The following MAF variants were observed in gnomAD, a reference collection of about 807,000 sequenced individuals.
MAF encodes the protein MAF bZIP transcription factor, also known as transcription factor Maf.
Under a neutral mutation model 22.0 loss-of-function variants are expected in MAF, and 10 were observed. The ratio of observed to expected loss-of-function variants is 0.45; its 90% confidence interval spans 0.28 to 0.77. MAF has a LOEUF of 0.77. Ranked by LOEUF, MAF falls within the 30% of genes least tolerant of loss-of-function variation. The pLI is 0.12. For missense variants in MAF, 544 were observed against 548.4 expected, an observed-to-expected ratio of 0.99 and a Z score of 0.08; for synonymous variants, 337 against 255.8, an observed-to-expected ratio of 1.32 and a Z score of -3.03.
the MAF span, among the ~76,000 whole-genome samples, chr16:79,466,811 T>C: frequency 6.6e-6 from 1 of 152,204 alleles, no homozygotes; most frequent in South Asian, 2.1e-4. Context: ...TTAAGATCCA[T>C]TATTACTCAT....
the MAF span, among the ~76,000 whole-genome samples, chr16:79,440,834 C>T: frequency 6.6e-6 from 1 of 152,206 alleles, no homozygotes; most frequent in Admixed American, 6.5e-5. Flanking sequence ...CATATTTACT[C>T]ACTTGGCTCT....
the MAF span, among the ~76,000 whole-genome samples, chr16:79,235,562 A>G: frequency 6.6e-6 from 1 of 151,928 alleles, no homozygotes; most frequent in African/African-American, 2.4e-5. Flanking sequence ...AATTTTAAAA[A>G]TATGATTGAA....
At chr16:79,396,059 G>C in the MAF span, among the ~76,000 whole-genome samples, 1 of 152,128 alleles carries the variant, frequency 6.6e-6, no homozygotes, top group Non-Finnish European at 1.5e-5. Flanking sequence ...TTCCTACTTA[G>C]GTATAAGAGA....
chr16:79,432,865 C>G, the MAF span, among the ~76,000 whole-genome samples: 3 of 152,188 alleles, frequency 2.0e-5, no homozygotes, highest in Admixed American at 6.5e-5. Context: ...CTGGAACAGA[C>G]TCTCCTTCAT....
In MAF at chr16:79,594,431, T is replaced by G; in HGVS notation, c.*29A>C. On this transcript the variant is annotated 3_prime_UTR_variant, in exon 2 of 2. Transcript: ENST00000326043. The stretch of plus-strand genomic sequence containing the variant: ...GCAAATAATAATAATAATGATGATT[T>G]TTTTTAATGTACAGCTCTCACACAA... 1 of 1,542,038 alleles carries G rather than the reference T, an allele frequency of 6.5e-7. No individual in the cohort carries two copies. Among genetic ancestry groups the G allele is most frequent in the Non-Finnish European group, 8.8e-7 (1 of 1,138,116 alleles).
the MAF span, among the ~76,000 whole-genome samples, chr16:79,436,454 T>A: frequency 3.3e-5 from 5 of 152,256 alleles, no homozygotes; most frequent in East Asian, 9.6e-4. Context: ...ATCAGACATG[T>A]GCGTTAACGC....
chr16:79,210,686 C>G, the MAF span, among the ~76,000 whole-genome samples: 3 of 152,110 alleles, frequency 2.0e-5, no homozygotes, highest in African/African-American at 7.2e-5. Flanking sequence ...GACCATGTCT[C>G]CCTCTGAACA....
At chr16:79,206,392 A>G in the MAF span, 1 of 152,220 alleles carries the variant, frequency 6.6e-6, no homozygotes, top group Admixed American at 6.5e-5. Flanking sequence ...CACTCTACGT[A>G]ATTATCTGTA....
the MAF span, among the ~76,000 whole-genome samples, chr16:79,429,539 G>T: frequency 6.6e-6 from 1 of 152,182 alleles, no homozygotes; most frequent in Non-Finnish European, 1.5e-5. Flanking sequence ...AGCAGAGAGA[G>T]GGAGGCAGGC....
intron 1 of MAF, chr16:79,596,452 CTG>C (rs754717835): frequency 8.5e-6 from 9 of 1,053,974 alleles, no homozygotes; most frequent in Non-Finnish European, 1.0e-5. Flanking sequence ...CCCAGTTAAA[CTG>C]TACACTAAGA....
At chr16:79,231,793 T>C in the MAF span, among the ~76,000 whole-genome samples, 1 of 152,022 alleles carries the variant, frequency 6.6e-6, no homozygotes, top group Non-Finnish European at 1.5e-5. Flanking sequence ...ACATTTACGG[T>C]GAACTGTATT....
the MAF span, among the ~76,000 whole-genome samples, chr16:79,209,249 G>A: frequency 1.3e-5 from 2 of 152,188 alleles, no homozygotes; most frequent in East Asian, 3.9e-4. Context: ...GAAAAGGTAG[G>A]TCCCCAGCTC....
the MAF span, among the ~76,000 whole-genome samples, chr16:79,550,588 A>C: frequency 6.6e-6 from 1 of 152,160 alleles, no homozygotes; most frequent in African/African-American, 2.4e-5. Flanking sequence ...AGAGAAAATG[A>C]AGTCAAGGGC....
chr16:79,306,640 G>A, the MAF span, among the ~76,000 whole-genome samples: 1 of 152,156 alleles, frequency 6.6e-6, no homozygotes, highest in South Asian at 2.1e-4. Context: ...GCTTAGCTCT[G>A]GTCACACTCT....
chr16:79,452,371 T>C, the MAF span, among the ~76,000 whole-genome samples: 2 of 152,224 alleles, frequency 1.3e-5, no homozygotes, highest in Non-Finnish European at 1.5e-5. Context: ...TAACTACATA[T>C]ATGCAATTTA....
Position 79,594,300 on chromosome 16 carries a change from G to A in MAF, c.*160C>T, listed in dbSNP as rs990716506. ...CGGTCTCTATGAAACCCCCAGACAAGAGGCATAGTTAACTACTACATTTAA... is the reference window on the plus strand; with the variant it reads ...CGGTCTCTATGAAACCCCCAGACAAAAGGCATAGTTAACTACTACATTTAA... On this transcript the variant is annotated 3_prime_UTR_variant, in exon 2 of 2. Coordinates refer to ENST00000326043, the MANE Select transcript of MAF (RefSeq NM_005360.5). The A allele has an allele frequency of 3.0e-5, 21 of 707,734 alleles. 1 individual carries two copies. The East Asian group carries it at 5.5e-4, about 19-fold the overall frequency. The allele number at this position is 707,734 out of a possible 1,614,324, so 43.8% of individuals were successfully genotyped here. A position where few individuals can be genotyped will look rare whatever the true frequency, so the allele number is the denominator to read the frequency against.
At chr16:79,559,424 G>C in the MAF span, among the ~76,000 whole-genome samples, 1 of 152,156 alleles carries the variant, frequency 6.6e-6, no homozygotes, top group African/African-American at 2.4e-5. Context: ...GTCTTCCAGA[G>C]GGGAAGTCTT....
At chr16:79,316,952 A>G in the MAF span, among the ~76,000 whole-genome samples, 3 of 152,226 alleles carry the variant, frequency 2.0e-5, no homozygotes, top group African/African-American at 7.2e-5. Flanking sequence ...CACCTAGCGA[A>G]GGTTCATTAC....
At chr16:79,318,452 C>G in the MAF span, among the ~76,000 whole-genome samples, 1 of 152,164 alleles carries the variant, frequency 6.6e-6, no homozygotes, top group Non-Finnish European at 1.5e-5. Context: ...TGGGAAAATG[C>G]AAACATGTGA....
Sources: gnomAD v4.1 joint callset for allele counts (sites outside exome capture counted in the v4.1 genomes callset) on GRCh38, gnomAD v4.1.1 for gene constraint, MANE v1.5 for transcripts, NCBI Gene and HGNC (gene_info 2026-07-23, HGNC 2026-07-21) for gene names.